The following ARHGAP21 variants were observed in gnomAD, a reference collection of about 807,000 sequenced individuals.
ARHGAP21 encodes rho GTPase-activating protein 21.
Under a neutral mutation model 164.6 loss-of-function variants are expected in ARHGAP21, and 38 were observed. The observed-to-expected ratio is 0.23, with a 90% CI of 0.18 to 0.30. The LOEUF (loss-of-function observed/expected upper bound fraction) is 0.30, where lower values mean the gene tolerates loss of function less well. Ranked by LOEUF, ARHGAP21 falls within the 10% of genes least tolerant of loss-of-function variation. The pLI is 1.00. For synonymous variants in ARHGAP21, 766 were observed against 857.9 expected, an observed-to-expected ratio of 0.89 and a Z score of 1.87; for missense variants, 1,822 against 2,370.7, an observed-to-expected ratio of 0.77 and a Z score of 4.81.
intron 4 of ARHGAP21, among the ~76,000 whole-genome samples, chr10:24,666,006 T>C (rs570509912): frequency 6.6e-6 from 1 of 152,312 alleles, no homozygotes; most frequent in East Asian, 1.9e-4. Flanking sequence ...TTGTTGATTG[T>C]ACCATGGTAT....
Position 24,685,914 on chromosome 10 carries a change from T to G in ARHGAP21, c.64-15517A>C, listed in dbSNP as rs1842169920. Among the ~76,000 whole-genome samples, 3 of 152,060 alleles carry G rather than the reference T, an allele frequency of 2.0e-5. No individual in the cohort carries two copies. In the South Asian group the frequency reaches 6.2e-4, roughly 32 times the overall value. ...GGACACTGAAGAAAAGATATTAAGC[T>G]AAAACAAATCAAGAAAAACATGGTA... On this transcript the variant is annotated intron_variant, in intron 2 of 25. Transcript: ENST00000396432.
chr10:24,594,068 A>C (rs577934506), intron 21 of ARHGAP21, among the ~76,000 whole-genome samples: 2 of 152,236 alleles, frequency 1.3e-5, no homozygotes, highest in South Asian at 4.2e-4. Flanking sequence ...TCTCTACCTT[A>C]AGGAAAAATC....
intron 2 of ARHGAP21, among the ~76,000 whole-genome samples, chr10:24,673,487 C>A (rs994322850): frequency 6.6e-6 from 1 of 152,188 alleles, no homozygotes; most frequent in Non-Finnish European, 1.5e-5. Flanking sequence ...CGCCCTGGAA[C>A]AACTGTGTGG....
chr10:24,588,287 A>T (rs1425526377), intron 25 of ARHGAP21, among the ~76,000 whole-genome samples: 10 of 144,788 alleles, frequency 6.9e-5, no homozygotes, highest in African/African-American at 2.2e-4. Flanking sequence ...GAGTAGTGTT[A>T]TCTCTACAAG....
intron 13 of ARHGAP21, among the ~76,000 whole-genome samples, chr10:24,601,580 A>G (rs2076815283): frequency 6.6e-6 from 1 of 152,180 alleles, no homozygotes; most frequent in Admixed American, 6.5e-5. Context: ...AATGAAACAA[A>G]GTTATAAAGG....
At chr10:24,588,686 T>C (rs76121177) in intron 25 of ARHGAP21, among the ~76,000 whole-genome samples, 2,032 of 152,186 alleles carry the variant, frequency 0.013, 22 homozygotes, top group Non-Finnish European at 0.021. Context: ...TTCTAAGAAC[T>C]ATAAATGTCC....
rs901393319 is a variant in ARHGAP21, at chr10:24,620,199, T to G, written c.1696A>C (p.Asn566His). ...CCACTCATTCGCCTGTTATCAGAAT[T>G]AACAACGCTTGGAGCCACAGTAAAA... ...SNFTVAPSVV[N>H]SDNRRMSGRG... The change falls in exon 9 of 26, where the codon AAT becomes CAT. Residue 566 changes from asparagine (N) to histidine (H), a missense_variant. This residue lies in a region of ARHGAP21 where 1,090 missense variants were observed against 1,378.9 expected (regional missense o/e 0.79). Coordinates refer to ENST00000396432, the MANE Select transcript of ARHGAP21 (RefSeq NM_020824.4). 1 of 1,613,840 alleles carries G rather than the reference T, an allele frequency of 6.2e-7. No homozygotes were observed. Among genetic ancestry groups the G allele is most frequent in the Non-Finnish European group, 8.5e-7 (1 of 1,179,880 alleles).
intron 4 of ARHGAP21, among the ~76,000 whole-genome samples, chr10:24,640,795 A>G (rs1565078382): frequency 6.6e-6 from 1 of 152,214 alleles, no homozygotes; most frequent in Non-Finnish European, 1.5e-5. Flanking sequence ...CAGAAAAAAA[A>G]CAGCATGTAG....
rs770544831 is a variant in ARHGAP21 at position 24,585,331 on chromosome 10, A to T, written c.4958T>A (p.Leu1653His). The change falls in exon 26 of 26, where the codon CTT becomes CAT. Residue 1653 changes from leucine to histidine, a missense_variant. Physicochemically the swap from Leu to His is moderately conservative, Grantham distance 99. Coordinates refer to ENST00000396432, the MANE Select transcript of ARHGAP21 (RefSeq NM_020824.4). ...CACTTCTTGCAGTTTTCCTCGGAAA[A>T]GCCTCTCTGAAGTCAAGGCTGTGGG... Reference protein sequence around the residue: ...VFPTALTSERLFRGKLQEVTK... With the variant: ...VFPTALTSERHFRGKLQEVTK... 6.2e-7 allele frequency: 1 copy of T among 1,612,958 alleles called. No individual in the cohort carries two copies. Among genetic ancestry groups the T allele is most frequent in the South Asian group, 1.1e-5 (1 of 91,070 alleles).
intron 25 of ARHGAP21, among the ~76,000 whole-genome samples, chr10:24,587,236 A>G (rs2076143105): frequency 6.6e-6 from 1 of 152,066 alleles, no homozygotes; most frequent in Non-Finnish European, 1.5e-5. Context: ...CTCCCACCTC[A>G]GCCTCCCAAA....
chr10:24,667,765 T>TC (rs1565131370), intron 3 of ARHGAP21, among the ~76,000 whole-genome samples: 1 of 152,102 alleles, frequency 6.6e-6, no homozygotes, highest in Non-Finnish European at 1.5e-5. Context: ...GTTTTTTTTT[T>TC]TTCTTCTTCT....
Position 24,619,833 on chromosome 10 carries a change from C to T in ARHGAP21, c.2062G>A (p.Ala688Thr), listed in dbSNP as rs1834366102. 1 of 1,614,046 alleles carries T rather than the reference C, an allele frequency of 6.2e-7. No individual in the cohort carries two copies. The highest frequency in any genetic ancestry group is 1.7e-5 in the Admixed American group (1 of 59,986). Residue 688 changes from alanine to threonine, a missense_variant, in exon 9 of 26, where the codon GCC becomes ACC. Coordinates refer to ENST00000396432, the MANE Select transcript of ARHGAP21 (RefSeq NM_020824.4). The part of the protein sequence containing the change: ...ETGKSPSLSG[A>T]SAKPAPQSSE... ...GACTGAGGGGCAGGCTTGGCAGAGG[C>T]TCCAGATAAAGAGGGGGATTTCCCA... is the stretch of plus-strand genomic sequence containing the variant.
At chr10:24,601,935 G>T (rs767749144) in intron 13 of ARHGAP21, 43 bp downstream of exon 13, 3 of 1,471,096 alleles carry the variant, frequency 2.0e-6, no homozygotes, top group Non-Finnish European at 2.7e-6. Context: ...ATTTGTCAGG[G>T]TCTGCATTTC....
intron 4 of ARHGAP21, among the ~76,000 whole-genome samples, chr10:24,656,938 TGG>T (rs1321520869): frequency 2.3e-4 from 1 of 4,260 alleles, no homozygotes; most frequent in Admixed American, 1.9e-3. Flanking sequence ...GGGAGGGAGG[TGG>T]GGGGGGGGTC....
rs1031277529 is a variant in ARHGAP21 at position 24,723,693 on chromosome 10, C to CGCCGCCGCGCTCCGAG, written c.-528_-513dup. On this transcript the variant is annotated 5_prime_UTR_variant, in exon 1 of 26. Coordinates refer to ENST00000396432, the MANE Select transcript of ARHGAP21 (RefSeq NM_020824.4). ...CGCTGCCCGCCGCCGCCGCCGCCGC[C>CGCCGCCGCGCTCCGAG]GCCGCCGCGCTCCGAGGCCGCCGCC... The CGCCGCCGCGCTCCGAG allele has an allele frequency of 6.7e-6, 1 of 148,896 alleles. No homozygotes were observed. Among genetic ancestry groups the CGCCGCCGCGCTCCGAG allele is most frequent in the African/African-American group, 2.5e-5 (1 of 40,578 alleles). 9.2% of individuals were successfully genotyped at this position (148,896 alleles called of 1,614,324 possible).
chr10:24,643,140 T>C (rs916011848), intron 4 of ARHGAP21, among the ~76,000 whole-genome samples: 8 of 152,200 alleles, frequency 5.3e-5, no homozygotes, highest in African/African-American at 1.9e-4. Flanking sequence ...AGACTGTGGA[T>C]GGGTGTTATT....
chr10:24,676,108 G>A (rs72784290), intron 2 of ARHGAP21, among the ~76,000 whole-genome samples: 12,349 of 152,138 alleles, frequency 0.081, 653 homozygotes, highest in Middle Eastern at 0.14. Flanking sequence ...AGGGCGCCAC[G>A]GCACTCCAGC....
At chr10:24,614,404 G>T (rs2077389263) in intron 9 of ARHGAP21, among the ~76,000 whole-genome samples, 1 of 152,106 alleles carries the variant, frequency 6.6e-6, no homozygotes, top group Non-Finnish European at 1.5e-5. Flanking sequence ...CATTTGTTAG[G>T]GGGCTTTTGA....
At chr10:24,674,203 C>T (rs1840989876) in intron 2 of ARHGAP21, among the ~76,000 whole-genome samples, 1 of 151,786 alleles carries the variant, frequency 6.6e-6, no homozygotes, top group African/African-American at 2.4e-5. Context: ...CCTGCCTGGG[C>T]AACACAGGGA....
Sources: gnomAD v4.1 joint callset for allele counts (sites outside exome capture counted in the v4.1 genomes callset) on GRCh38, gnomAD v4.1.1 for gene constraint, gnomAD v4.1.1 regional missense constraint, MANE v1.5 for transcripts, NCBI Gene and HGNC (gene_info 2026-07-23, HGNC 2026-07-21) for gene names.